Variants in PTDSS1 observed in about 807,000 individuals in gnomAD.
PTDSS1 encodes PSS-1.
Under a neutral mutation model 70.5 loss-of-function variants are expected in PTDSS1, and 45 were observed. That is an observed-to-expected ratio of 0.64 (90% confidence interval 0.50 to 0.82). PTDSS1 has a LOEUF of 0.82. PTDSS1 is among the 40% of genes least tolerant of loss of function. The pLI, the probability that PTDSS1 is intolerant of heterozygous loss-of-function variation, is 0.00. For synonymous variants in PTDSS1, 188 were observed against 203.8 expected (o/e 0.92, Z 0.66); for missense variants, 417 against 586.1 (o/e 0.71, Z 2.98).
intron 10 of PTDSS1, among the ~76,000 whole-genome samples, chr8:96,329,769 C>T (rs1160722262): frequency 2.0e-5 from 3 of 152,210 alleles, no homozygotes; most frequent in Non-Finnish European, 2.9e-5. Flanking sequence ...TGTCCGTGGG[C>T]CCTCAGGTGC....
chr8:96,271,586 C>T (rs1429431067), intron 1 of PTDSS1, among the ~76,000 whole-genome samples: 2 of 152,194 alleles, frequency 1.3e-5, no homozygotes, highest in African/African-American at 4.8e-5. Flanking sequence ...TGCTGAGTCA[C>T]AGAGCATATG....
intron 2 of PTDSS1, among the ~76,000 whole-genome samples, chr8:96,277,095 C>A (rs956329418): frequency 2.6e-5 from 4 of 152,092 alleles, no homozygotes; most frequent in African/African-American, 7.2e-5. Context: ...GATGGCAGTT[C>A]AGTGTCCTGT....
At chr8:96,284,087 T>G in intron 2 of PTDSS1, 22 bp from the exon 3 acceptor site, 1 of 1,594,134 alleles carries the variant, frequency 6.3e-7, no homozygotes, top group Non-Finnish European at 8.6e-7. Flanking sequence ...CCTTCTAACT[T>G]TATAATGTTA....
Position 96,262,290 on chromosome 8 carries a change from A to AGGGGGGGGGGGGTGGGGGGGGGGGT in PTDSS1, c.179+77_179+78insGGGGGGTGGGGGGGGGGGTGGGGGG. 2.6e-6 allele frequency: 1 copy of AGGGGGGGGGGGGTGGGGGGGGGGGT among 387,406 alleles called. No homozygotes were observed. Among genetic ancestry groups the AGGGGGGGGGGGGTGGGGGGGGGGGT allele is most frequent in the South Asian group, 2.2e-5 (1 of 45,050 alleles). 24.0% of individuals were successfully genotyped at this position (387,406 alleles called of 1,614,324 possible). ...AGAGGCGGGAGGGAGGGTGGCGGGG[A>AGGGGGGGGGGGGTGGGGGGGGGGGT]GGGGGGCCCGGCATGGCTCTGGGTG... On this transcript the variant is annotated intron_variant, in intron 1 of 12. Coordinates refer to ENST00000517309, the MANE Select transcript of PTDSS1 (RefSeq NM_014754.3). This position sits in a 1 kb window ranked among gnomAD's most constrained non-coding sequence, Gnocchi z 4.4.
chr8:96,309,507 C>T lies in PTDSS1; in HGVS notation c.1008-50C>T, dbSNP rs757212597. Reference sequence around the variant, plus strand: ...TCAAAGTGATTTAATTATGTGCTGACTTGCTGGTCTTCCAGCAGCTCTCAA... The same window carrying T: ...TCAAAGTGATTTAATTATGTGCTGATTTGCTGGTCTTCCAGCAGCTCTCAA... On this transcript the variant is annotated intron_variant, in intron 8 of 12. Coordinates refer to ENST00000517309, the MANE Select transcript of PTDSS1 (RefSeq NM_014754.3). 91 of 1,515,154 alleles carry T rather than the reference C, an allele frequency of 6.0e-5. 1 individual carries two copies. The South Asian group carries it at 1.0e-3, about 17-fold the overall frequency. The allele number at this position is 1,515,154 out of a possible 1,614,324, so 93.9% of individuals were successfully genotyped here.
chr8:96,271,458 A>G (rs554352358), intron 1 of PTDSS1, among the ~76,000 whole-genome samples: 3 of 152,200 alleles, frequency 2.0e-5, no homozygotes, highest in Non-Finnish European at 4.4e-5. Flanking sequence ...TTTGGTGGAC[A>G]TTTAGATTGC....
chr8:96,271,671 G>A (rs1810568725), intron 1 of PTDSS1, among the ~76,000 whole-genome samples: 1 of 152,188 alleles, frequency 6.6e-6, no homozygotes, highest in South Asian at 2.1e-4. Context: ...AGCAATGTAT[G>A]AGCATGCCTA....
At chr8:96,309,126 G>T (rs1223188610) in intron 8 of PTDSS1, 1 of 151,974 alleles carries the variant, frequency 6.6e-6, no homozygotes, top group Non-Finnish European at 1.4e-5. Context: ...GGGTTCCTTT[G>T]CAGCGCTGTG....
At chr8:96,316,305 A>T (rs1278198882) in intron 9 of PTDSS1, among the ~76,000 whole-genome samples, 1 of 152,194 alleles carries the variant, frequency 6.6e-6, no homozygotes, top group Admixed American at 6.5e-5. Flanking sequence ...AATAGCAAAG[A>T]CATGGAATCC....
chr8:96,336,240 C>G lies in PTDSS1; in HGVS notation c.*2674C>G, dbSNP rs1214654764. 1 of 151,986 alleles carries G rather than the reference C, an allele frequency of 6.6e-6. No individual in the cohort carries two copies. The highest frequency in any genetic ancestry group is 1.5e-5 in the Non-Finnish European group (1 of 68,072). The allele number at this position is 151,986 out of a possible 1,614,324, so 9.4% of individuals were successfully genotyped here. On this transcript the variant is annotated 3_prime_UTR_variant, in exon 13 of 13. Transcript: ENST00000517309. ...TAAGCTCCTAAGGTGCTCACCCAAC[C>G]CAGGAGAAAACAAAATTCATTACCA...
At chr8:96,315,361 C>G (rs1811272873) in intron 9 of PTDSS1, among the ~76,000 whole-genome samples, 1 of 152,182 alleles carries the variant, frequency 6.6e-6, no homozygotes, top group Non-Finnish European at 1.5e-5. Context: ...AGCCAGGTAC[C>G]CGGCCTCCAT....
At chr8:96,295,352 C>A in intron 5 of PTDSS1, 96 bp downstream of exon 5, 1 of 1,310,496 alleles carries the variant, frequency 7.6e-7, no homozygotes, top group Non-Finnish European at 1.0e-6. Flanking sequence ...TTAATCCGTT[C>A]TCCAGCCCCT....
intron 10 of PTDSS1, 113 bp downstream of exon 10, chr8:96,320,458 A>G (rs1056925886): frequency 3.2e-6 from 3 of 928,284 alleles, no homozygotes; most frequent in Admixed American, 2.2e-5. Flanking sequence ...AAATTCATAA[A>G]AAGATGTTCT....
Position 96,333,749 on chromosome 8 carries a change from A to T in PTDSS1, c.*183A>T. 1.4e-6 allele frequency: 1 copy of T among 725,958 alleles called. No homozygotes were observed. Among genetic ancestry groups the T allele is most frequent in the Non-Finnish European group, 2.5e-6 (1 of 405,516 alleles). The allele number at this position is 725,958 out of a possible 1,614,324, so 45.0% of individuals were successfully genotyped here. ...CCACAGACCTGGCCGCGTCAGGCAG[A>T]TCATCGCCTGGGGGGCCTTTGCCAA... On this transcript the variant is annotated 3_prime_UTR_variant, in exon 13 of 13. Transcript: ENST00000517309.
intron 5 of PTDSS1, among the ~76,000 whole-genome samples, chr8:96,295,970 CG>C (rs920784085): frequency 3.3e-5 from 5 of 151,932 alleles, no homozygotes; most frequent in Non-Finnish European, 1.5e-5. Flanking sequence ...ATCAAAGCGT[CG>C]GCAGGACTGG....
At chr8:96,313,351 C>A (rs751818048) in intron 9 of PTDSS1, among the ~76,000 whole-genome samples, 1 of 152,100 alleles carries the variant, frequency 6.6e-6, no homozygotes, top group Non-Finnish European at 1.5e-5. Context: ...GTGGAAAGGT[C>A]GGCTGTTTCT....
intron 1 of PTDSS1, among the ~76,000 whole-genome samples, chr8:96,265,580 CAAACAAACAAAACA>C (rs1810474694): frequency 6.6e-6 from 1 of 151,432 alleles, no homozygotes; most frequent in Admixed American, 6.6e-5. Context: ...CCTATCTCTA[CAAACAAACAAAACA>C]AAACAAAACA....
intron 2 of PTDSS1, among the ~76,000 whole-genome samples, chr8:96,274,102 C>T (rs925363602): frequency 2.0e-5 from 3 of 151,862 alleles, no homozygotes; most frequent in African/African-American, 7.3e-5. Context: ...ACTTGTTCGC[C>T]GTAGCCGTAG....
intron 8 of PTDSS1, among the ~76,000 whole-genome samples, chr8:96,307,227 A>T (rs1186354872): frequency 6.6e-6 from 1 of 152,188 alleles, no homozygotes; most frequent in East Asian, 1.9e-4. Context: ...GAATACTGGC[A>T]TTAATGAGTA....
Sources: gnomAD v4.1 joint callset for allele counts (sites outside exome capture counted in the v4.1 genomes callset) on GRCh38, gnomAD v4.1.1 for gene constraint, Gnocchi (gnomAD v3.1) non-coding constraint, MANE v1.5 for transcripts, NCBI Gene and HGNC (gene_info 2026-07-23, HGNC 2026-07-21) for gene names.